NOXA1: variants seen among roughly 807,000 people sequenced by gnomAD.
The protein encoded by NOXA1 is NADPH oxidase activator 1, also known as NCF2-like protein.
In NOXA1, 56 loss-of-function variants were observed where a neutral mutation model predicts 64.8. The observed-to-expected ratio is 0.86, with a 90% CI of 0.70 to 1.08. The LOEUF (loss-of-function observed/expected upper bound fraction) is 1.08. Ranked by LOEUF, NOXA1 falls within the 50% of genes least tolerant of loss-of-function variation. The probability of loss-of-function intolerance (pLI) is 0.00; values close to 1 mark genes in which losing one functional copy is unlikely to be tolerated. For missense variants in NOXA1, 668 were observed against 658.5 expected (o/e 1.01, Z -0.16); for synonymous variants, 295 against 294.8 (o/e 1.00, Z -0.01).
At chr9:137,424,241 C>G (rs1163267395) in intron 1 of NOXA1, among the ~76,000 whole-genome samples, 1 of 152,236 alleles carries the variant, frequency 6.6e-6, no homozygotes, top group African/African-American at 2.4e-5. Context: ...CAGAAGCAGG[C>G]AGGTGCCCAC....
chr9:137,427,299 G>T (rs1838881218), intron 2 of NOXA1, among the ~76,000 whole-genome samples: 1 of 152,178 alleles, frequency 6.6e-6, no homozygotes, highest in Non-Finnish European at 1.5e-5. Flanking sequence ...TAAGACGTAG[G>T]TGCGTAGACT....
chr9:137,427,044 G>C (rs1006105715), intron 2 of NOXA1, among the ~76,000 whole-genome samples: 2 of 152,236 alleles, frequency 1.3e-5, no homozygotes, highest in African/African-American at 4.8e-5. Context: ...TGATCCACCC[G>C]CCTCGGCCTC....
intron 3 of NOXA1, among the ~76,000 whole-genome samples, chr9:137,428,648 G>A (rs1265527798): frequency 6.7e-6 from 1 of 150,214 alleles, no homozygotes; most frequent in Non-Finnish European, 1.5e-5. Flanking sequence ...ACACAGAACG[G>A]TGCAGGGGAG....
Position 137,425,020 on chromosome 9 carries a change from G to A in NOXA1, c.178-1228G>A, listed in dbSNP as rs117414495. Among the ~76,000 whole-genome samples, 341 of 152,294 alleles carry A rather than the reference G, an allele frequency of 2.2e-3. 1 individual carries two copies. The highest frequency in any genetic ancestry group is 4.1e-3 in the Non-Finnish European group (276 of 68,004). On this transcript the variant is annotated intron_variant, in intron 1 of 13. Coordinates refer to ENST00000683555, the MANE Select transcript of NOXA1 (RefSeq NM_001256067.2). ...TGCAGAGGGTGTCGCTGGAACTGCT[G>A]TCTCTTGTTAGGAGCCTTGCGTGAC...
intron 1 of NOXA1, among the ~76,000 whole-genome samples, chr9:137,424,155 C>T (rs1036133724): frequency 6.6e-6 from 1 of 152,154 alleles, no homozygotes; most frequent in African/African-American, 2.4e-5. Context: ...CGTGCCCCCT[C>T]GCGTTCCGGG....
chr9:137,431,223 C>T lies in NOXA1; in HGVS notation c.699-13C>T, dbSNP rs760864478. ...AGATGGGCAGGGCCTGAGAGCCTCC[C>T]TCCTCTCCCTAGGTCCCTAATCATG... On this transcript the variant is annotated splice_polypyrimidine_tract_variant and intron_variant, in intron 7 of 13. Coordinates refer to ENST00000683555, the MANE Select transcript of NOXA1 (RefSeq NM_001256067.2). This position sits in a 1 kb window ranked among gnomAD's most constrained non-coding sequence, Gnocchi z 5.6. 1.9e-6 allele frequency: 3 copies of T among 1,609,198 alleles called. No homozygotes were observed. The highest frequency in any genetic ancestry group is 2.5e-6 in the Non-Finnish European group (3 of 1,177,036).
intron 2 of NOXA1, 111 bp downstream of exon 2, chr9:137,426,441 C>A (rs1268736620): frequency 8.6e-6 from 8 of 929,836 alleles, no homozygotes; most frequent in Admixed American, 5.7e-5. Flanking sequence ...TCTTGCCCAC[C>A]CCCTCCTCCA....
intron 1 of NOXA1, 151 bp downstream of exon 1, chr9:137,423,857 G>T: frequency 1.6e-6 from 1 of 641,028 alleles, no homozygotes; most frequent in Middle Eastern, 5.2e-4. Flanking sequence ...CAGGGGGGCC[G>T]CACCTGAGCT....
rs557173084 is a variant in NOXA1, at chr9:137,433,260, T to G, written c.906T>G (p.Ala302=). The change falls in exon 10 of 14, where the codon GCT becomes GCG. Residue 302 remains alanine (A), a synonymous_variant. Transcript: ENST00000683555. ...GCCCCTGTGAGGACCCCGCGGGTGC[T>G]GGGGTAAGAGGCTCTAGACCCTTCA... ...GPGPCEDPAG[A]GGAGAGGSEP... The G allele has an allele frequency of 3.0e-5, 47 of 1,587,738 alleles. 1 individual carries two copies. The South Asian group carries it at 5.3e-4, about 18-fold the overall frequency.
intron 1 of NOXA1, 64 bp downstream of exon 1, chr9:137,423,770 C>T: frequency 8.6e-7 from 1 of 1,164,492 alleles, no homozygotes; most frequent in African/African-American, 1.6e-5. Flanking sequence ...GGGGAGGGCC[C>T]AGCGCCCCTC....
chr9:137,424,570 G>C (rs927164037), intron 1 of NOXA1, among the ~76,000 whole-genome samples: 3 of 152,142 alleles, frequency 2.0e-5, no homozygotes, highest in African/African-American at 7.2e-5. Context: ...CTCCCTAGTT[G>C]CTGGGAGTAC....
At chr9:137,427,867 C>G (rs1224694246) in intron 2 of NOXA1, among the ~76,000 whole-genome samples, 166 bp from the exon 3 acceptor site, 1 of 152,244 alleles carries the variant, frequency 6.6e-6, no homozygotes, top group Non-Finnish European at 1.5e-5. Flanking sequence ...GCATGGACCC[C>G]TGGCCCACCA....
chr9:137,424,822 C>T (rs923394863), intron 1 of NOXA1, among the ~76,000 whole-genome samples: 1 of 152,158 alleles, frequency 6.6e-6, no homozygotes, highest in South Asian at 2.1e-4. Context: ...ATCCTATGTC[C>T]GGGGCTAACC....
chr9:137,434,399 C>T lies in NOXA1; in HGVS notation c.*39C>T. On this transcript the variant is annotated 3_prime_UTR_variant, in exon 14 of 14. Coordinates refer to ENST00000683555, the MANE Select transcript of NOXA1 (RefSeq NM_001256067.2). The stretch of plus-strand genomic sequence containing the variant: ...ATGATGCTTTTAATAAAAACAACCC[C>T]CACTGCAGTCTCACCCTCCAAGTGG... The T allele has an allele frequency of 1.3e-6, 2 of 1,532,104 alleles. No homozygotes were observed. The highest frequency in any genetic ancestry group is 1.8e-6 in the Non-Finnish European group (2 of 1,139,708). 94.9% of individuals were successfully genotyped at this position (1,532,104 alleles called of 1,614,324 possible). A position where few individuals can be genotyped will look rare whatever the true frequency, so the allele number is the denominator to read the frequency against.
Position 137,431,325 on chromosome 9 carries a change from C to T in NOXA1, c.788C>T (p.Thr263Ile). 6.2e-7 allele frequency: 1 copy of T among 1,609,986 alleles called. No homozygotes were observed. Among genetic ancestry groups the T allele is most frequent in the Non-Finnish European group, 8.5e-7 (1 of 1,179,868 alleles). Reference protein sequence around the residue: ...TEVGADRCTSTAYQEQRPQVE... With the variant: ...TEVGADRCTSIAYQEQRPQVE... ...GTCGGTGCTGACCGCTGCACGTCGACTGCCTACCAGGAGCAGGTGCGTGGG... is the reference window on the plus strand; with the variant it reads ...GTCGGTGCTGACCGCTGCACGTCGATTGCCTACCAGGAGCAGGTGCGTGGG... The change falls in exon 8 of 14, where the codon ACT becomes ATT. Residue 263 changes from threonine (T) to isoleucine (I), a missense_variant. Coordinates refer to ENST00000683555, the MANE Select transcript of NOXA1 (RefSeq NM_001256067.2). The surrounding 1 kb of genome is among the most constrained non-coding windows in gnomAD (Gnocchi z 5.6).
chr9:137,434,295 G>A lies in NOXA1; in HGVS notation c.1366G>A (p.Ala456Thr), dbSNP rs199687966. Reference protein sequence around the residue: ...GIFPKCFVVPAGPRMSGAPGR... With the variant: ...GIFPKCFVVPTGPRMSGAPGR... Reference sequence around the variant, plus strand: ...CTTCCCCAAGTGCTTCGTGGTCCCCGCCGGCCCTCGGATGTCAGGAGCCCC... The same window carrying A: ...CTTCCCCAAGTGCTTCGTGGTCCCCACCGGCCCTCGGATGTCAGGAGCCCC... The change falls in exon 14 of 14, where the codon GCC becomes ACC. Residue 456 changes from alanine to threonine, a missense_variant. By Grantham distance (58) the Ala-to-Thr change is moderately conservative. Coordinates refer to ENST00000683555, the MANE Select transcript of NOXA1 (RefSeq NM_001256067.2). The A allele has an allele frequency of 2.2e-5, 35 of 1,610,514 alleles. No individual in the cohort carries two copies. Among genetic ancestry groups the A allele is most frequent in the African/African-American group, 4.0e-5 (3 of 74,906 alleles).
intron 2 of NOXA1, among the ~76,000 whole-genome samples, chr9:137,427,156 T>C (rs746700201): frequency 1.3e-5 from 2 of 152,226 alleles, no homozygotes; most frequent in Non-Finnish European, 2.9e-5. Flanking sequence ...GAACCCTTCA[T>C]TGGCCGATAA....
intron 2 of NOXA1, among the ~76,000 whole-genome samples, chr9:137,427,484 G>A (rs1039923994): frequency 3.9e-5 from 6 of 152,248 alleles, no homozygotes; most frequent in African/African-American, 1.4e-4. Flanking sequence ...GAACGAAAAA[G>A]CCATCTCTTC....
chr9:137,427,759 G>C (rs1003372174), intron 2 of NOXA1, among the ~76,000 whole-genome samples: 4 of 152,236 alleles, frequency 2.6e-5, no homozygotes, highest in Admixed American at 2.0e-4. Context: ...CAGAAGAGAG[G>C]CTTGGGGGCG....
Sources: gnomAD v4.1 joint callset for allele counts (sites outside exome capture counted in the v4.1 genomes callset) on GRCh38, gnomAD v4.1.1 for gene constraint, Gnocchi (gnomAD v3.1) non-coding constraint, MANE v1.5 for transcripts, NCBI Gene and HGNC (gene_info 2026-07-23, HGNC 2026-07-21) for gene names.